Variants in CSMD3 observed in about 807,000 individuals in gnomAD.
The protein encoded by CSMD3 is CUB and sushi domain-containing protein 3.
Under a neutral mutation model 435.2 loss-of-function variants are expected in CSMD3, and 177 were observed. The ratio of observed to expected loss-of-function variants is 0.41; its 90% CI spans 0.36 to 0.46. The LOEUF (loss-of-function observed/expected upper bound fraction) is 0.46, where lower values mean the gene tolerates loss of function less well. CSMD3 is among the 20% of genes least tolerant of loss of function. The pLI is 0.34. For synonymous variants in CSMD3, 1,656 were observed against 1,520.5 expected (o/e 1.09, Z -2.07); for missense variants, 4,265 against 4,504.6 (o/e 0.95, Z 1.52).
chr8:112,841,456 C>T (rs138706877), intron 11 of CSMD3, among the ~76,000 whole-genome samples: 276 of 151,954 alleles, frequency 1.8e-3, no homozygotes, highest in African/African-American at 5.9e-3. Flanking sequence ...TTCTAAGGGG[C>T]TTCCTCTTTA....
rs936301663 is a variant in CSMD3 at position 112,350,614 on chromosome 8, C to CA, written c.6325+560dup. On this transcript the variant is annotated intron_variant, in intron 40 of 70. Transcript: ENST00000297405. ...GTATATTAATAGTTGCACACAAATA[C>CA]AAAAAAAAATGAGGAAGAGAAAAAA... is the stretch of plus-strand genomic sequence containing the variant. 6.2e-4 allele frequency among the ~76,000 whole-genome samples: 92 copies of CA among 147,394 alleles called. 2 individuals are homozygous for CA. The highest frequency in any genetic ancestry group is 2.8e-3 in the South Asian group (13 of 4,686).
At chr8:112,621,852 G>C (rs1834095726) in intron 22 of CSMD3, among the ~76,000 whole-genome samples, 1 of 152,074 alleles carries the variant, frequency 6.6e-6, no homozygotes, top group Non-Finnish European at 1.5e-5. Flanking sequence ...CTAATATCCT[G>C]TAACTTTTTC....
intron 7 of CSMD3, among the ~76,000 whole-genome samples, chr8:112,969,914 G>C (rs1415259726): frequency 6.6e-6 from 1 of 151,842 alleles, no homozygotes; most frequent in Admixed American, 6.6e-5. Flanking sequence ...CTTGAGAAAG[G>C]ATACCCAATT....
At chr8:112,319,299 G>T (rs770099516) in intron 46 of CSMD3, among the ~76,000 whole-genome samples, 51 of 151,812 alleles carry the variant, frequency 3.4e-4, no homozygotes, top group Non-Finnish European at 6.6e-4. Context: ...AAGTTACATC[G>T]GTCACTGATA....
chr8:112,945,357 A>G (rs1023050050), intron 9 of CSMD3, among the ~76,000 whole-genome samples: 1 of 151,786 alleles, frequency 6.6e-6, no homozygotes, highest in Non-Finnish European at 1.5e-5. Context: ...GAGCTAAAAT[A>G]GAAAGCATGA....
intron 57 of CSMD3, among the ~76,000 whole-genome samples, chr8:112,288,504 A>C (rs1819438552): frequency 6.6e-6 from 1 of 152,080 alleles, no homozygotes; most frequent in Non-Finnish European, 1.5e-5. Flanking sequence ...CACTGCTTTT[A>C]ACTCTAAAGT....
intron 1 of CSMD3, among the ~76,000 whole-genome samples, chr8:113,421,594 C>T (rs575708942): frequency 6.6e-6 from 1 of 152,242 alleles, no homozygotes; most frequent in East Asian, 1.9e-4. Flanking sequence ...AAGTTTGGCA[C>T]TTTGGTATAC....
intron 13 of CSMD3, among the ~76,000 whole-genome samples, chr8:112,758,699 C>A (rs2077762788): frequency 6.6e-6 from 1 of 152,114 alleles, no homozygotes; most frequent in Non-Finnish European, 1.5e-5. Flanking sequence ...GCTATTCAAG[C>A]CTCATTTCTT....
intron 4 of CSMD3, among the ~76,000 whole-genome samples, chr8:113,146,901 T>C (rs900308489): frequency 2.0e-5 from 3 of 151,682 alleles, no homozygotes; most frequent in Admixed American, 1.3e-4. Context: ...TAAATTCATG[T>C]ATAATAAAAA....
chr8:113,345,412 A>C (rs1212972408), intron 1 of CSMD3, among the ~76,000 whole-genome samples: 1 of 152,158 alleles, frequency 6.6e-6, no homozygotes, highest in Non-Finnish European at 1.5e-5. Context: ...TCTATATAAA[A>C]TTCAATGTAC....
chr8:113,258,592 G>A (rs961988624), intron 3 of CSMD3, among the ~76,000 whole-genome samples: 30 of 152,036 alleles, frequency 2.0e-4, no homozygotes, highest in African/African-American at 7.2e-4. Context: ...CTGCTGCTTG[G>A]TACACATATA....
chr8:113,160,767 CA>C (rs1415785938), intron 4 of CSMD3, among the ~76,000 whole-genome samples: 1 of 152,012 alleles, frequency 6.6e-6, no homozygotes, highest in Non-Finnish European at 1.5e-5. Flanking sequence ...GCTTAGGAAG[CA>C]AATAATAAAT....
At chr8:112,380,251 T>C (rs1256484729) in intron 38 of CSMD3, 101 bp downstream of exon 38, 3 of 629,194 alleles carry the variant, frequency 4.8e-6, no homozygotes, top group Non-Finnish European at 8.4e-6. Flanking sequence ...CAATGTTTTC[T>C]TTGAGAAAGT....
At chr8:112,509,685 C>T (rs986907469) in intron 28 of CSMD3, among the ~76,000 whole-genome samples, 8 of 152,224 alleles carry the variant, frequency 5.3e-5, no homozygotes, top group African/African-American at 1.7e-4. Context: ...GTCTTATTAT[C>T]ATACACTTCT....
chr8:112,354,886 T>C (rs1826448384), intron 38 of CSMD3, among the ~76,000 whole-genome samples: 1 of 152,034 alleles, frequency 6.6e-6, no homozygotes, highest in South Asian at 2.1e-4. Context: ...AAAGCCCAAA[T>C]AGCCAAAGTA....
intron 1 of CSMD3, among the ~76,000 whole-genome samples, chr8:113,340,029 TCTTTA>T (rs762039454): frequency 7.9e-5 from 12 of 152,034 alleles, no homozygotes; most frequent in Non-Finnish European, 1.3e-4. Context: ...CATGTCATAG[TCTTTA>T]CTTAACTTTG....
chr8:112,257,285 G>T (rs1815902078), intron 61 of CSMD3, among the ~76,000 whole-genome samples: 2 of 152,100 alleles, frequency 1.3e-5, no homozygotes, highest in Non-Finnish European at 2.9e-5. Flanking sequence ...TGTCCAGAGT[G>T]ATCAGGCAAG....
intron 4 of CSMD3, among the ~76,000 whole-genome samples, chr8:113,154,203 C>A (rs2091889399): frequency 6.6e-6 from 1 of 151,898 alleles, no homozygotes; most frequent in Non-Finnish European, 1.5e-5. Flanking sequence ...AAACCAAATA[C>A]TTACAAACCA....
intron 12 of CSMD3, among the ~76,000 whole-genome samples, chr8:112,806,813 T>C (rs1375932169): frequency 6.6e-6 from 1 of 152,196 alleles, no homozygotes; most frequent in African/African-American, 2.4e-5. Flanking sequence ...ACATACCTGT[T>C]AGTAGTCATA....
Sources: gnomAD v4.1 joint callset for allele counts (sites outside exome capture counted in the v4.1 genomes callset) on GRCh38, gnomAD v4.1.1 for gene constraint, MANE v1.5 for transcripts, NCBI Gene and HGNC (gene_info 2026-07-23, HGNC 2026-07-21) for gene names.